EPN2: variants seen among roughly 807,000 people sequenced by gnomAD.
EPN2 encodes epsin-2.
EPN2 carries 34 observed loss-of-function variants against 61.7 expected under a neutral mutation model. The observed-to-expected ratio is 0.55, with a 90% CI of 0.42 to 0.73. The LOEUF (loss-of-function observed/expected upper bound fraction) is 0.73, where lower values mean the gene tolerates loss of function less well. Among genes scored for constraint, EPN2 ranks in the 30% least tolerant of loss-of-function variants. The pLI is 0.00. For missense variants in EPN2, 714 were observed against 839.2 expected (o/e 0.85, Z 1.84); for synonymous variants, 349 against 353.6 (o/e 0.99, Z 0.15).
Position 19,308,447 on chromosome 17 carries a change from A to G in EPN2, c.767-1438A>G, listed in dbSNP as rs547957113. ...TAGTTGTCCATCTGTCGACCTGTGC[A>G]TGCACCTGTCTGTGCATGCATGTAA... On this transcript the variant is annotated intron_variant, in intron 4 of 10. Coordinates refer to ENST00000314728, the MANE Select transcript of EPN2 (RefSeq NM_014964.5). 29 of 985,390 alleles carry G rather than the reference A, an allele frequency of 2.9e-5. No individual in the cohort carries two copies. The South Asian group carries it at 1.3e-3, about 43-fold the overall frequency. 61.0% of individuals were successfully genotyped at this position (985,390 alleles called of 1,614,324 possible). A position where few individuals can be genotyped will look rare whatever the true frequency, so the allele number is the denominator to read the frequency against.
intron 1 of EPN2, among the ~76,000 whole-genome samples, chr17:19,268,435 G>A (rs979808536): frequency 6.6e-6 from 1 of 152,070 alleles, no homozygotes; most frequent in Admixed American, 6.5e-5. Flanking sequence ...ATGGCTCACT[G>A]CAGCCTCAAA....
chr17:19,315,203 C>T (rs1160254133), intron 7 of EPN2, among the ~76,000 whole-genome samples: 1 of 152,250 alleles, frequency 6.6e-6, no homozygotes, highest in Non-Finnish European at 1.5e-5. Context: ...ATGCCCAGCC[C>T]CTCCTTTGGC....
intron 7 of EPN2, among the ~76,000 whole-genome samples, chr17:19,324,848 A>G (rs1906797387): frequency 6.6e-6 from 1 of 152,232 alleles, no homozygotes; most frequent in South Asian, 2.1e-4. Flanking sequence ...CAGTAATTGA[A>G]AAGAGTAATA....
At chr17:19,333,654 G>T (rs1388596392) in intron 10 of EPN2, among the ~76,000 whole-genome samples, 1 of 152,152 alleles carries the variant, frequency 6.6e-6, no homozygotes, top group Non-Finnish European at 1.5e-5. Flanking sequence ...GGTGTCCTGG[G>T]TGCCAGCACT....
chr17:19,240,662 A>G (rs896735929), intron 1 of EPN2, among the ~76,000 whole-genome samples: 2 of 152,182 alleles, frequency 1.3e-5, no homozygotes, highest in Admixed American at 1.3e-4. Flanking sequence ...TCTTCTGTCA[A>G]TACTTTGCCG....
At position 19,312,218 on chromosome 17, in the gene EPN2, G is replaced by T. The variant is rs571241112; in HGVS notation, c.972+74G>T. ...TGCCTCAATATCCCCCCACCAACTT[G>T]CCTGGATGGCGTGATGCACAGTGAG... On this transcript the variant is annotated intron_variant, in intron 6 of 10. Coordinates refer to ENST00000314728, the MANE Select transcript of EPN2 (RefSeq NM_014964.5). The T allele has an allele frequency of 2.3e-5, 24 of 1,053,066 alleles. No homozygotes were observed. In the African/African-American group the frequency reaches 3.7e-4, roughly 16 times the overall value. 65.2% of individuals were successfully genotyped at this position (1,053,066 alleles called of 1,614,324 possible).
rs749079088 is a variant in EPN2 at position 19,332,028 on chromosome 17, T to C, written c.1587T>C (p.Pro529=). The C allele has an allele frequency of 1.5e-5, 24 of 1,613,118 alleles. No homozygotes were observed. Among genetic ancestry groups the C allele is most frequent in the Non-Finnish European group, 2.0e-5 (24 of 1,179,952 alleles). Residue 529 remains proline (P), a synonymous_variant, in exon 10 of 11, where the codon CCT becomes CCC. Coordinates refer to ENST00000314728, the MANE Select transcript of EPN2 (RefSeq NM_014964.5). ...ACCTGGACTCACTGGTGACCAGGCCTGCCCCACCAGCCCAGTCCCTCAACC... is the reference window on the plus strand; with the variant it reads ...ACCTGGACTCACTGGTGACCAGGCCCGCCCCACCAGCCCAGTCCCTCAACC... The part of the protein sequence containing the change: ...LVNLDSLVTR[P]APPAQSLNPF...
At chr17:19,298,400 T>G (rs189016857) in intron 4 of EPN2, among the ~76,000 whole-genome samples, 4 of 152,348 alleles carry the variant, frequency 2.6e-5, no homozygotes, top group Non-Finnish European at 4.4e-5. Flanking sequence ...TTTGCCATTT[T>G]GGCTAGGCTG....
At chr17:19,328,094 T>C (rs1362831376) in intron 7 of EPN2, among the ~76,000 whole-genome samples, 2 of 152,254 alleles carry the variant, frequency 1.3e-5, no homozygotes, top group Non-Finnish European at 2.9e-5. Context: ...TAAAGCCAGT[T>C]GTGACCCACT....
At chr17:19,322,756 A>G (rs943585611) in intron 7 of EPN2, among the ~76,000 whole-genome samples, 1 of 152,034 alleles carries the variant, frequency 6.6e-6, no homozygotes, top group South Asian at 2.1e-4. Context: ...AAAAAAAAAA[A>G]AAAGGTAGTG....
chr17:19,296,991 T>G (rs1230034909), intron 4 of EPN2: 1 of 152,290 alleles, frequency 6.6e-6, no homozygotes, highest in Non-Finnish European at 1.5e-5. Flanking sequence ...TTCCTGCTTT[T>G]TGTCTTGTGA....
chr17:19,294,090 T>TA lies in EPN2; in HGVS notation c.766+8314dup, dbSNP rs35150015. Among the ~76,000 whole-genome samples the TA allele has an allele frequency of 4.9e-3, 681 of 139,316 alleles. 3 individuals carry two copies. The highest frequency in any genetic ancestry group is 8.0e-3 in the African/African-American group (304 of 37,838). 91.4% of individuals were successfully genotyped at this position (139,316 alleles called of 152,430 possible). Reference sequence around the variant, plus strand: ...GGGCAACAGAGCAAGACTCTGTCTTTAAAAAAAAAAAAAAGAAACAGTGCT... The same window carrying TA: ...GGGCAACAGAGCAAGACTCTGTCTTTAAAAAAAAAAAAAAAGAAACAGTGCT... On this transcript the variant is annotated intron_variant, in intron 4 of 10. Transcript: ENST00000314728.
rs770513292 is a variant in EPN2 at position 19,283,656 on chromosome 17, C to T, written c.537C>T (p.Thr179=). Reference sequence around the variant, plus strand: ...GCTCCAGCCAGCCCAACCTCTCCACCAGCCACTCGGAGCAGGAGTATGGCA... The same window carrying T: ...GCTCCAGCCAGCCCAACCTCTCCACTAGCCACTCGGAGCAGGAGTATGGCA... ...GRGSSQPNLS[T]SHSEQEYGKA... Residue 179 remains threonine (T), a synonymous_variant, in exon 3 of 11, where the codon ACC becomes ACT. Coordinates refer to ENST00000314728, the MANE Select transcript of EPN2 (RefSeq NM_014964.5). This position sits in a 1 kb window ranked among gnomAD's most constrained non-coding sequence, Gnocchi z 7.0. 5.0e-6 allele frequency: 8 copies of T among 1,613,874 alleles called. No individual in the cohort carries two copies. The Admixed American group carries it at 1.0e-4, about 20-fold the overall frequency.
intron 1 of EPN2, among the ~76,000 whole-genome samples, chr17:19,246,074 C>G (rs1180677939): frequency 6.6e-6 from 1 of 151,970 alleles, no homozygotes; most frequent in Non-Finnish European, 1.5e-5. Flanking sequence ...TAAAAAGTTA[C>G]ATGTGGCTGG....
intron 4 of EPN2, chr17:19,303,762 C>T (rs181803311): frequency 3.3e-5 from 5 of 152,312 alleles, no homozygotes; most frequent in Admixed American, 1.3e-4. Flanking sequence ...TTTCATTATA[C>T]ACCTTTTTGT....
chr17:19,246,662 A>G (rs906503825), intron 1 of EPN2, among the ~76,000 whole-genome samples: 18 of 151,880 alleles, frequency 1.2e-4, no homozygotes, highest in Non-Finnish European at 2.2e-4. Context: ...GTTGTATTAA[A>G]AGGCCCCTTC....
chr17:19,315,075 G>A (rs1906322752), intron 7 of EPN2, among the ~76,000 whole-genome samples: 1 of 152,176 alleles, frequency 6.6e-6, no homozygotes, highest in Non-Finnish European at 1.5e-5. Flanking sequence ...CAGAGTGGTG[G>A]GAAGGAGACT....
Position 19,309,903 on chromosome 17 carries a change from C to T in EPN2, c.785C>T (p.Ser262Phe). 1.2e-6 allele frequency: 2 copies of T among 1,608,226 alleles called. No individual in the cohort carries two copies. The highest frequency in any genetic ancestry group is 2.7e-5 in the African/African-American group (2 of 75,050). ...CCAACAGCCACCTCCCCGCGAGTGT[C>T]CTCCGAGCTGGAGCAAGCCCGGCCC... ...RAARATSPRV[S>F]SELEQARPQT... Residue 262 changes from serine (S) to phenylalanine (F), a missense_variant, in exon 5 of 11, where the codon TCC (serine) becomes TTC (phenylalanine). Transcript: ENST00000314728.
intron 1 of EPN2, among the ~76,000 whole-genome samples, chr17:19,268,374 T>C (rs1567848452): frequency 6.6e-6 from 1 of 152,168 alleles, no homozygotes; most frequent in Non-Finnish European, 1.5e-5. Flanking sequence ...ATCTTTTTTT[T>C]TGAGGCAGGG....
Sources: gnomAD v4.1 joint callset for allele counts (sites outside exome capture counted in the v4.1 genomes callset) on GRCh38, gnomAD v4.1.1 for gene constraint, Gnocchi (gnomAD v3.1) non-coding constraint, MANE v1.5 for transcripts, NCBI Gene and HGNC (gene_info 2026-07-23, HGNC 2026-07-21) for gene names.